Variants in RHEB observed in about 807,000 individuals in gnomAD.
RHEB encodes the protein Ras homolog, mTORC1 binding.
Under a neutral mutation model 28.8 loss-of-function variants are expected in RHEB, and 2 were observed. The observed-to-expected ratio is 0.07, with a 90% CI of 0.03 to 0.22. RHEB has a LOEUF of 0.22. Ranked by LOEUF, RHEB falls within the 10% of genes least tolerant of loss-of-function variation. The pLI is 1.00. For synonymous variants in RHEB, 69 were observed against 77.3 expected (o/e 0.89, Z 0.56); for missense variants, 76 against 219.9 (o/e 0.35, Z 4.14).
intron 7 of RHEB, among the ~76,000 whole-genome samples, chr7:151,469,640 C>CA (rs1412262803): frequency 5.3e-5 from 8 of 152,154 alleles, no homozygotes; most frequent in Non-Finnish European, 1.0e-4. Flanking sequence ...TAAAACCCCA[C>CA]ATGAACCTAA....
rs768690172 is a variant in RHEB at position 151,471,407 on chromosome 7, G to A, written c.367C>T (p.Leu123=). 1.9e-6 allele frequency: 3 copies of A among 1,572,106 alleles called. No individual in the cohort carries two copies. Among genetic ancestry groups the A allele is most frequent in the Non-Finnish European group, 2.6e-6 (3 of 1,144,460 alleles). Residue 123 remains leucine (L), a synonymous_variant, in exon 6 of 8, where the codon CTG becomes TTG. Coordinates refer to ENST00000262187, the MANE Select transcript of RHEB (RefSeq NM_005614.4). ...AAAGCTACATACCTTTCCATATGCA[G>A]GTCTTTCTTATTCCCAACCAACATA... ...PIMLVGNKKD[L]HMERVISYEE... is the part of the protein sequence containing the mutation.
At chr7:151,486,941 G>C (rs1227311173) in intron 2 of RHEB, among the ~76,000 whole-genome samples, 7 of 152,216 alleles carry the variant, frequency 4.6e-5, no homozygotes, top group Admixed American at 4.6e-4. Flanking sequence ...GGATAGGAGA[G>C]GAAGGGAAAT....
At chr7:151,473,175 TAA>T (rs1802194565) in intron 4 of RHEB, among the ~76,000 whole-genome samples, 1 of 152,180 alleles carries the variant, frequency 6.6e-6, no homozygotes, top group South Asian at 2.1e-4. Flanking sequence ...GGTTAGGTTA[TAA>T]AAGACAGTGG....
chr7:151,515,085 A>G (rs1374595172), intron 1 of RHEB, among the ~76,000 whole-genome samples: 1 of 150,100 alleles, frequency 6.7e-6, no homozygotes, highest in East Asian at 1.9e-4. Context: ...AAAAAGAAAG[A>G]AAAGAAACCA....
Position 151,468,913 on chromosome 7 carries a change from GTGGGT to G in RHEB, c.462+1653_462+1657del, listed in dbSNP as rs1278264278. Among the ~76,000 whole-genome samples, 1 of 152,264 alleles carries G rather than the reference GTGGGT, an allele frequency of 6.6e-6. No homozygotes were observed. The highest frequency in any genetic ancestry group is 1.5e-5 in the Non-Finnish European group (1 of 68,058). On this transcript the variant is annotated intron_variant, in intron 7 of 7. Coordinates refer to ENST00000262187, the MANE Select transcript of RHEB (RefSeq NM_005614.4). This position sits in a 1 kb window ranked among gnomAD's most constrained non-coding sequence, Gnocchi z 4.3. Reference sequence around the variant, plus strand: ...CCTAGTTCTTATACCACGTAAGGTAGTGGGTGATCTTAGAAAAGTCATTTAACTTC... The same window carrying G: ...CCTAGTTCTTATACCACGTAAGGTAGGATCTTAGAAAAGTCATTTAACTTC...
intron 3 of RHEB, among the ~76,000 whole-genome samples, chr7:151,482,908 C>T (rs1802402947): frequency 6.6e-6 from 1 of 152,174 alleles, no homozygotes; most frequent in Admixed American, 6.5e-5. Context: ...GCCATGCCCC[C>T]GACCCCCTAA....
chr7:151,478,110 T>C (rs928704852), intron 3 of RHEB, among the ~76,000 whole-genome samples: 4 of 152,230 alleles, frequency 2.6e-5, no homozygotes, highest in Non-Finnish European at 5.9e-5. Flanking sequence ...TAAAGCAGCG[T>C]TATGACACTT....
At chr7:151,467,301 C>A in intron 7 of RHEB, 90 bp from the exon 8 acceptor site, 1 of 926,860 alleles carries the variant, frequency 1.1e-6, no homozygotes, top group South Asian at 1.4e-5. Flanking sequence ...GCCGCCTGCC[C>A]TGCCCTCCTA....
At chr7:151,502,247 A>G (rs63262763) in intron 1 of RHEB, 4 of 491,876 alleles carry the variant, frequency 8.1e-6, no homozygotes, top group South Asian at 5.2e-5. Flanking sequence ...AAAAAAAAAA[A>G]GGAGCTTGGA....
chr7:151,501,567 A>G (rs189182561), intron 1 of RHEB, among the ~76,000 whole-genome samples: 1 of 152,382 alleles, frequency 6.6e-6, no homozygotes, highest in African/African-American at 2.4e-5. Flanking sequence ...TACACTTACC[A>G]TATGACCCAG....
intron 2 of RHEB, among the ~76,000 whole-genome samples, chr7:151,485,695 A>G (rs1031584131): frequency 1.3e-5 from 2 of 152,230 alleles, no homozygotes; most frequent in Non-Finnish European, 2.9e-5. Context: ...GCTGACACAG[A>G]CAAATGGAAA....
At chr7:151,483,484 C>T (rs1397292412) in intron 3 of RHEB, among the ~76,000 whole-genome samples, 1 of 152,082 alleles carries the variant, frequency 6.6e-6, no homozygotes, top group East Asian at 1.9e-4. Flanking sequence ...TTTCAGAGGC[C>T]GAGGCAGGTG....
chr7:151,510,655 G>A (rs2150938575), intron 1 of RHEB, among the ~76,000 whole-genome samples: 1 of 152,282 alleles, frequency 6.6e-6, no homozygotes, highest in Admixed American at 6.5e-5. Flanking sequence ...AATGCTTAAT[G>A]AACACCTAAT....
intron 1 of RHEB, among the ~76,000 whole-genome samples, chr7:151,511,033 G>A (rs1229588113): frequency 2.0e-5 from 3 of 151,974 alleles, no homozygotes; most frequent in South Asian, 4.2e-4. Flanking sequence ...TGCCGAGATC[G>A]CGACATTGCA....
Position 151,502,174 on chromosome 7 carries a change from G to A in RHEB, c.53-11160C>T, listed in dbSNP as rs1802783971. Reference sequence around the variant, plus strand: ...TCTTGTGAACCCGGGAGGCTTATGTGGCAGTGAGGCAAGATCACGCCACTG... The same window carrying A: ...TCTTGTGAACCCGGGAGGCTTATGTAGCAGTGAGGCAAGATCACGCCACTG... On this transcript the variant is annotated intron_variant, in intron 1 of 7. Transcript: ENST00000262187. 2.5e-5 allele frequency: 11 copies of A among 439,348 alleles called. 1 individual carries two copies. In the South Asian group the frequency reaches 2.9e-4, roughly 11 times the overall value. 27.2% of individuals were successfully genotyped at this position (439,348 alleles called of 1,614,324 possible).
chr7:151,503,424 C>A, intron 1 of RHEB: 1 of 1,183,104 alleles, frequency 8.5e-7, no homozygotes, highest in South Asian at 1.2e-5. Flanking sequence ...GAATGGAATA[C>A]CAAGGAGGAG....
chr7:151,499,439 A>G (rs1802731962), intron 1 of RHEB, among the ~76,000 whole-genome samples: 1 of 152,180 alleles, frequency 6.6e-6, no homozygotes, highest in Non-Finnish European at 1.5e-5. Context: ...AAGGTTTAGG[A>G]TTTAAACTCA....
intron 7 of RHEB, among the ~76,000 whole-genome samples, chr7:151,469,456 C>T (rs922159461): frequency 2.0e-5 from 3 of 152,168 alleles, no homozygotes; most frequent in Admixed American, 6.5e-5. Flanking sequence ...TACAAACCTC[C>T]GTGCTGCGGA....
chr7:151,509,032 C>T (rs1375647169), intron 1 of RHEB, among the ~76,000 whole-genome samples: 2 of 152,260 alleles, frequency 1.3e-5, no homozygotes, highest in African/African-American at 2.4e-5. Context: ...ATTTTTGTAG[C>T]ACTCTTATGC....
Sources: gnomAD v4.1 joint callset for allele counts (sites outside exome capture counted in the v4.1 genomes callset) on GRCh38, gnomAD v4.1.1 for gene constraint, Gnocchi (gnomAD v3.1) non-coding constraint, MANE v1.5 for transcripts, NCBI Gene and HGNC (gene_info 2026-07-23, HGNC 2026-07-21) for gene names.